LHX8: variants seen among roughly 807,000 people sequenced by gnomAD.
LHX8 encodes LIM/homeobox protein Lhx8.
In LHX8, 12 loss-of-function variants were observed where a neutral mutation model predicts 40.3. That is an observed-to-expected ratio of 0.30 (90% CI 0.19 to 0.48). The LOEUF (loss-of-function observed/expected upper bound fraction) is 0.48. Among genes scored for constraint, LHX8 ranks in the 20% least tolerant of loss-of-function variants. The pLI, the probability that LHX8 is intolerant of heterozygous loss-of-function variation, is 0.99. For synonymous variants in LHX8, 179 were observed against 162.0 expected (o/e 1.10, Z -0.80); for missense variants, 344 against 433.7 (o/e 0.79, Z 1.84).
At chr1:75,151,140 T>C (rs969741449) in intron 7 of LHX8, among the ~76,000 whole-genome samples, 1 of 152,308 alleles carries the variant, frequency 6.6e-6, no homozygotes, top group African/African-American at 2.4e-5. Flanking sequence ...GTACTTATTC[T>C]TCTGTAAGCC....
downstream of LHX8, chr1:75,161,626 G>C (rs1181403243): frequency 6.6e-6 from 1 of 150,676 alleles, no homozygotes; most frequent in African/African-American, 2.4e-5. Flanking sequence ...ATTGTGTTTT[G>C]AGCTGCATTG....
downstream of LHX8, among the ~76,000 whole-genome samples, chr1:75,162,853 G>A (rs1282969761): frequency 6.6e-6 from 1 of 152,080 alleles, no homozygotes; most frequent in African/African-American, 2.4e-5. Context: ...GTAATATTCA[G>A]TGTTTAAGTA....
At chr1:75,182,202 C>T in the LHX8 span, among the ~76,000 whole-genome samples, 1 of 152,138 alleles carries the variant, frequency 6.6e-6, no homozygotes, top group Non-Finnish European at 1.5e-5. Context: ...GATCCAGCTT[C>T]ATTCTTCTAT....
chr1:75,195,622 C>T, the LHX8 span, among the ~76,000 whole-genome samples: 4 of 152,112 alleles, frequency 2.6e-5, no homozygotes, highest in South Asian at 2.1e-4. Flanking sequence ...GCTTCAAACA[C>T]TTGTTATTCT....
chr1:75,135,075 C>A, intron 1 of LHX8, 121 bp downstream of exon 1: 1 of 265,834 alleles, frequency 3.8e-6, no homozygotes, highest in Non-Finnish European at 5.8e-6. Context: ...CGGCTGCCCG[C>A]GGACACTTGC....
intron 3 of LHX8, among the ~76,000 whole-genome samples, chr1:75,140,223 C>T (rs1237312008): frequency 6.6e-6 from 1 of 152,114 alleles, no homozygotes; most frequent in Non-Finnish European, 1.5e-5. Flanking sequence ...AAATACTGGC[C>T]TTATTAAACA....
At chr1:75,129,837 A>G (rs558903526), upstream of LHX8, 4 of 152,320 alleles carry the variant, frequency 2.6e-5, no homozygotes, top group African/African-American at 9.6e-5. Context: ...ACTCCAGGCT[A>G]TATCTGCCCG....
At chr1:75,142,983 C>G (rs897546786) in intron 4 of LHX8, 135 bp from the exon 5 acceptor site, 5 of 723,890 alleles carry the variant, frequency 6.9e-6, no homozygotes, top group East Asian at 5.4e-5. Flanking sequence ...ATAATTGATT[C>G]TTGTTTCATT....
rs746214620 is a variant in LHX8, at chr1:75,148,608, C to T, written c.706C>T (p.Gln236Ter). 6.2e-7 allele frequency: 1 copy of T among 1,613,778 alleles called. No individual in the cohort carries two copies. ...QLQVMQAQFA[Q>*]DNNPDAQTLQ... ...ACAGGTTATGCAAGCACAATTTGCT[C>T]AGGACAACAACCCAGATGCACAGAC... Residue 236 changes from glutamine (Q) to a stop codon, truncating the protein, a stop_gained, in exon 7 of 9, where the codon CAG (glutamine) becomes TAG (stop). Coordinates refer to ENST00000356261, the MANE Select transcript of LHX8 (RefSeq NM_001256114.2). LOFTEE classifies it high-confidence loss of function.
At chr1:75,183,257 A>C in the LHX8 span, 32 of 152,334 alleles carry the variant, frequency 2.1e-4, no homozygotes, top group African/African-American at 7.2e-4. Context: ...TCAACAGTCA[A>C]ATTCTGGAAA....
chr1:75,177,679 C>T, the LHX8 span, among the ~76,000 whole-genome samples: 1 of 152,126 alleles, frequency 6.6e-6, no homozygotes, highest in African/African-American at 2.4e-5. Flanking sequence ...TTTCTCTTGC[C>T]TGATTGCCCT....
At position 75,154,307 on chromosome 1, in the gene LHX8, G is replaced by T. The variant is rs1182479119; in HGVS notation, c.781-2586G>T. 2.0e-5 allele frequency among the ~76,000 whole-genome samples: 3 copies of T among 151,770 alleles called. No homozygotes were observed. The East Asian group carries it at 5.8e-4, about 29-fold the overall frequency. On this transcript the variant is annotated intron_variant, in intron 7 of 8. Coordinates refer to ENST00000356261, the MANE Select transcript of LHX8 (RefSeq NM_001256114.2). ...TCCTTCTGCTTGATTACCTGTGGAT[G>T]ATCTTTCCAAGAAGCTGCTTAACAA... is the stretch of plus-strand genomic sequence containing the variant.
chr1:75,164,207 A>G (rs187773244), downstream of LHX8, among the ~76,000 whole-genome samples: 124 of 152,318 alleles, frequency 8.1e-4, no homozygotes, highest in African/African-American at 2.9e-3. Flanking sequence ...TGAGTGCCTC[A>G]GGGGTATTTT....
downstream of LHX8, among the ~76,000 whole-genome samples, chr1:75,162,010 T>C (rs113376935): frequency 2.6e-4 from 39 of 152,242 alleles, no homozygotes; most frequent in African/African-American, 9.1e-4. Flanking sequence ...CTTTTTGTCT[T>C]TTTATATGCC....
At chr1:75,152,478 A>G (rs1320919570) in intron 7 of LHX8, among the ~76,000 whole-genome samples, 1 of 152,220 alleles carries the variant, frequency 6.6e-6, no homozygotes, top group Non-Finnish European at 1.5e-5. Flanking sequence ...CAATCAGTGT[A>G]CTAGGAATAC....
At chr1:75,148,758 A>G in intron 7 of LHX8, 76 bp downstream of exon 7, 2 of 995,916 alleles carry the variant, frequency 2.0e-6, no homozygotes, top group Non-Finnish European at 1.6e-6. Flanking sequence ...GCCCAGACTG[A>G]TCTTGAACTC....
At chr1:75,181,615 T>C in the LHX8 span, among the ~76,000 whole-genome samples, 2 of 152,282 alleles carry the variant, frequency 1.3e-5, no homozygotes, top group Non-Finnish European at 1.5e-5. Flanking sequence ...TGGCTTCCCT[T>C]GGCTAGGAAA....
the LHX8 span, among the ~76,000 whole-genome samples, chr1:75,190,419 G>T: frequency 6.6e-6 from 1 of 151,990 alleles, no homozygotes; most frequent in Non-Finnish European, 1.5e-5. Flanking sequence ...ATGTTCATAC[G>T]TTGATTACTC....
At chr1:75,179,611 C>T in the LHX8 span, among the ~76,000 whole-genome samples, 14 of 146,990 alleles carry the variant, frequency 9.5e-5, no homozygotes, top group Middle Eastern at 7.1e-3. Context: ...CTCCTGAATA[C>T]AGCACTCTTG....
Sources: gnomAD v4.1 joint callset for allele counts (sites outside exome capture counted in the v4.1 genomes callset) on GRCh38, gnomAD v4.1.1 for gene constraint, MANE v1.5 for transcripts, NCBI Gene and HGNC (gene_info 2026-07-23, HGNC 2026-07-21) for gene names.